The following HEATR5B variants were observed in gnomAD, a reference collection of about 807,000 sequenced individuals.
HEATR5B encodes HEAT repeat containing 5B.
In HEATR5B, 156 loss-of-function variants were observed where a neutral mutation model predicts 224.1. That is an observed-to-expected ratio of 0.70 (90% confidence interval 0.61 to 0.80). HEATR5B has a LOEUF of 0.80. HEATR5B is among the 30% of genes least tolerant of loss of function. The pLI is 0.00. For missense variants in HEATR5B, 2,323 were observed against 2,535.5 expected (o/e 0.92, Z 1.80); for synonymous variants, 1,027 against 893.0 (o/e 1.15, Z -2.68).
chr2:37,064,605 G>A, intron 10 of HEATR5B, 135 bp downstream of exon 10: 1 of 822,432 alleles, frequency 1.2e-6, no homozygotes, highest in Non-Finnish European at 1.9e-6. Flanking sequence ...TAACACCATA[G>A]TAAGAACACT....
rs1671492854 is a variant in HEATR5B, at chr2:37,064,831, G to A, written c.1493C>T (p.Pro498Leu). The A allele has an allele frequency of 6.2e-7, 1 of 1,614,018 alleles. No homozygotes were observed. The highest frequency in any genetic ancestry group is 8.5e-7 in the Non-Finnish European group (1 of 1,179,992). Residue 498 changes from proline (P) to leucine (L), a missense_variant, in exon 10 of 36, where the codon CCA (proline) becomes CTA (leucine). Pro to Leu is a moderately conservative substitution (Grantham distance 98). Transcript: ENST00000233099. ...AAAACTATATCCACTGACAGCTTCT[G>A]GTGAGGTCTTCAAGTTGTTGAGCCG... The part of the protein sequence containing the change: ...AERLNNLKTS[P>L]EAVSGYSFAM...
chr2:37,051,557 A>T (rs1229835645), intron 17 of HEATR5B, among the ~76,000 whole-genome samples: 2 of 152,098 alleles, frequency 1.3e-5, no homozygotes, highest in Non-Finnish European at 1.5e-5. Context: ...TAGCATATCT[A>T]TGAAGAAAAG....
At chr2:37,028,622 T>C (rs1668927900) in intron 23 of HEATR5B, 59 bp downstream of exon 23, 9 of 1,377,218 alleles carry the variant, frequency 6.5e-6, no homozygotes, top group Non-Finnish European at 9.2e-6. Flanking sequence ...TATATCTATA[T>C]GTATATATCA....
chr2:37,084,123 T>A (rs1379571490), intron 1 of HEATR5B, 146 bp downstream of exon 1: 1 of 172,622 alleles, frequency 5.8e-6, no homozygotes, highest in Non-Finnish European at 1.2e-5. Flanking sequence ...AGGCTGTCAA[T>A]AGCACGAGGC....
At chr2:37,035,974 C>A (rs1288065892) in intron 21 of HEATR5B, among the ~76,000 whole-genome samples, 3 of 152,148 alleles carry the variant, frequency 2.0e-5, no homozygotes, top group Non-Finnish European at 4.4e-5. Context: ...TCCTTCTAAC[C>A]CTCTTCTCCA....
At chr2:37,023,083 G>GA (rs1668564797) in intron 24 of HEATR5B, among the ~76,000 whole-genome samples, 2 of 151,612 alleles carry the variant, frequency 1.3e-5, no homozygotes, top group Admixed American at 1.3e-4. Flanking sequence ...AGAGGGAAAA[G>GA]AAAAGCACGA....
chr2:37,081,700 T>C (rs1344422698), intron 2 of HEATR5B, among the ~76,000 whole-genome samples: 1 of 152,096 alleles, frequency 6.6e-6, no homozygotes, highest in East Asian at 1.9e-4. Flanking sequence ...AAGAGTGAAA[T>C]ATTGTATGTC....
intron 10 of HEATR5B, 83 bp downstream of exon 10, chr2:37,064,657 T>C (rs1430726820): frequency 7.2e-7 from 1 of 1,395,798 alleles, no homozygotes; most frequent in Non-Finnish European, 9.9e-7. Flanking sequence ...TTGACCACCC[T>C]GTTCAACACT....
chr2:37,028,888 G>A lies in HEATR5B; in HGVS notation c.3394C>T (p.Arg1132Ter). Residue 1132 changes from arginine (R) to a stop codon, truncating the protein, a stop_gained, in exon 23 of 36, where the codon CGA (arginine) becomes TGA (stop). Coordinates refer to ENST00000233099, the MANE Select transcript of HEATR5B (RefSeq NM_019024.3). LOFTEE classifies it high-confidence loss of function. Reference sequence around the variant, plus strand: ...TGGTGCCGGCAATGGATATCAGTTCGAGAACTAACCCCAGGGGCAAAAGGA... The same window carrying A: ...TGGTGCCGGCAATGGATATCAGTTCAAGAACTAACCCCAGGGGCAAAAGGA... The part of the protein sequence containing the change: ...VSPFAPGVSS[R>*]TDIHCRHQGV... 1 of 1,613,896 alleles carries A rather than the reference G, an allele frequency of 6.2e-7. No homozygotes were observed. Among genetic ancestry groups the A allele is most frequent in the Non-Finnish European group, 8.5e-7 (1 of 1,179,852 alleles).
intron 35 of HEATR5B, among the ~76,000 whole-genome samples, chr2:36,987,447 G>C (rs1666026335): frequency 6.6e-6 from 1 of 150,722 alleles, no homozygotes. Flanking sequence ...CTTCATTTGT[G>C]ATCTTGAAAA....
intron 35 of HEATR5B, among the ~76,000 whole-genome samples, 198 bp from the exon 36 acceptor site, chr2:36,981,992 G>C (rs1003578902): frequency 6.7e-6 from 1 of 150,138 alleles, no homozygotes. Flanking sequence ...TGTTAATATT[G>C]TATATTTTAC....
chr2:37,028,198 G>A (rs1185802718), intron 23 of HEATR5B, 24 bp from the exon 24 acceptor site: 1 of 1,513,802 alleles, frequency 6.6e-7, no homozygotes, highest in Non-Finnish European at 9.0e-7. Context: ...AAGGAATATT[G>A]TAACAATCTC....
At chr2:37,005,609 T>C (rs757332212) in intron 30 of HEATR5B, 23 bp downstream of exon 30, 2 of 1,603,834 alleles carry the variant, frequency 1.2e-6, no homozygotes, top group Non-Finnish European at 1.7e-6. Flanking sequence ...CACACAAGTA[T>C]CTATCATAGC....
At chr2:37,036,578 CT>C (rs201455304) in intron 21 of HEATR5B, among the ~76,000 whole-genome samples, 2,229 of 151,780 alleles carry the variant, frequency 0.015, 43 homozygotes, top group Non-Finnish European at 0.018. Context: ...ATGGCGCAAT[CT>C]TGGCTCACTA....
In HEATR5B at chr2:37,041,207, A is replaced by C. The variant is rs1358034519; in HGVS notation, c.2782T>G (p.Ser928Ala). The part of the protein sequence containing the change: ...CLHRYVGGIG[S>A]GQHLKTSVSI... Reference sequence around the variant, plus strand: ...ACACTGGTCTTCAGATGTTGTCCTGAGCCTATTCCACCAACATAACGATGC... The same window carrying C: ...ACACTGGTCTTCAGATGTTGTCCTGCGCCTATTCCACCAACATAACGATGC... Residue 928 changes from serine to alanine, a missense_variant, in exon 19 of 36, where the codon TCA becomes GCA. Ser to Ala is a moderately conservative substitution (Grantham distance 99, BLOSUM62 1). Around this residue, in one of 12 missense-constraint regions of HEATR5B, gnomAD observed 11 missense variants for 45.1 expected, o/e 0.24. Coordinates refer to ENST00000233099, the MANE Select transcript of HEATR5B (RefSeq NM_019024.3). The C allele has an allele frequency of 6.2e-7, 1 of 1,614,044 alleles. No individual in the cohort carries two copies. The highest frequency in any genetic ancestry group is 8.5e-7 in the Non-Finnish European group (1 of 1,180,004).
intron 31 of HEATR5B, 94 bp from the exon 32 acceptor site, chr2:37,002,666 T>C (rs2148377614): frequency 1.6e-6 from 2 of 1,248,272 alleles, no homozygotes; most frequent in South Asian, 1.4e-5. Flanking sequence ...AAAGAATTTA[T>C]AAGCAAATGT....
intron 22 of HEATR5B, among the ~76,000 whole-genome samples, chr2:37,031,591 G>A (rs189103239): frequency 6.5e-4 from 99 of 151,960 alleles, no homozygotes; most frequent in African/African-American, 2.3e-3. Flanking sequence ...TATGTATTCA[G>A]AAGAGTTCTG....
At chr2:37,061,491 T>G (rs564789232) in intron 11 of HEATR5B, among the ~76,000 whole-genome samples, 6 of 152,348 alleles carry the variant, frequency 3.9e-5, no homozygotes, top group African/African-American at 1.4e-4. Context: ...TTGTACTATG[T>G]ACAATGTTAA....
intron 8 of HEATR5B, among the ~76,000 whole-genome samples, chr2:37,067,311 G>C (rs1390179598): frequency 2.0e-5 from 3 of 152,138 alleles, no homozygotes; most frequent in Non-Finnish European, 4.4e-5. Flanking sequence ...TTGACGCGGT[G>C]TTTCTGGCAC....
Sources: allele counts gnomAD v4.1 joint callset (sites outside exome capture counted in the v4.1 genomes callset), GRCh38; gene constraint gnomAD v4.1.1; regional missense constraint gnomAD v4.1.1; transcripts MANE v1.5; gene names NCBI Gene and HGNC (gene_info 2026-07-23, HGNC 2026-07-21).